PSD3: variants seen among roughly 807,000 people sequenced by gnomAD.
PSD3 encodes the protein PH and SEC7 domain-containing protein 3.
Under a neutral mutation model 105.5 loss-of-function variants are expected in PSD3, and 49 were observed. The observed-to-expected ratio is 0.46, with a 90% confidence interval of 0.37 to 0.59. PSD3 has a LOEUF of 0.59. Among genes scored for constraint, PSD3 ranks in the 20% least tolerant of loss-of-function variants. The pLI is 0.00. For missense variants in PSD3, 1,561 were observed against 1,263.8 expected (o/e 1.24, Z -3.57); for synonymous variants, 557 against 457.8 (o/e 1.22, Z -2.77).
chr8:19,062,384 G>A (rs2129477605), intron 1 of PSD3, among the ~76,000 whole-genome samples: 1 of 152,234 alleles, frequency 6.6e-6, no homozygotes, highest in Admixed American at 6.5e-5. Flanking sequence ...TTGATGGGGT[G>A]ATCATCAAGT....
chr8:18,968,333 C>T, intron 1 of PSD3, among the ~76,000 whole-genome samples: 1 of 152,150 alleles, frequency 6.6e-6, no homozygotes, highest in East Asian at 1.9e-4. Context: ...TTCAAGAAGA[C>T]TTTAAACTTT....
intron 9 of PSD3, among the ~76,000 whole-genome samples, chr8:18,659,726 G>A (rs907771103): frequency 7.9e-5 from 12 of 152,176 alleles, no homozygotes; most frequent in African/African-American, 1.2e-4. Flanking sequence ...TGCTTGAAGC[G>A]CCTTTGTTGG....
chr8:18,845,378 A>G (rs1814999523), intron 4 of PSD3, among the ~76,000 whole-genome samples: 1 of 152,294 alleles, frequency 6.6e-6, no homozygotes, highest in South Asian at 2.1e-4. Context: ...TCCCACTCAC[A>G]TGGTCCTGTC....
At chr8:18,917,751 C>A (rs1164880482) in intron 2 of PSD3, among the ~76,000 whole-genome samples, 2 of 151,950 alleles carry the variant, frequency 1.3e-5, no homozygotes, top group Non-Finnish European at 2.9e-5. Context: ...CTCAAGCAAA[C>A]ACATCAGAAG....
At chr8:18,818,237 G>C (rs1051612967) in intron 4 of PSD3, among the ~76,000 whole-genome samples, 2 of 152,162 alleles carry the variant, frequency 1.3e-5, no homozygotes, top group African/African-American at 2.4e-5. Flanking sequence ...TTACAGACGT[G>C]AGCCACCGTG....
At chr8:18,623,119 A>C (rs961247664) in intron 11 of PSD3, among the ~76,000 whole-genome samples, 13 of 152,106 alleles carry the variant, frequency 8.5e-5, no homozygotes, top group Non-Finnish European at 1.3e-4. Flanking sequence ...TCCTAGATTC[A>C]AACGGTCCTC....
intron 15 of PSD3, among the ~76,000 whole-genome samples, chr8:18,540,383 A>G (rs375469482): frequency 6.6e-5 from 10 of 152,178 alleles, no homozygotes; most frequent in African/African-American, 2.2e-4. Context: ...CTGAACCTGC[A>G]GTATCTCAGG....
intron 9 of PSD3, among the ~76,000 whole-genome samples, chr8:18,695,764 T>C (rs7828096): frequency 0.89 from 135,398 of 152,222 alleles, 60,818 homozygotes; most frequent in Middle Eastern, 0.96. Flanking sequence ...AACCTCACAG[T>C]TCTTTTCCAA....
intron 7 of PSD3, 82 bp downstream of exon 7, chr8:18,801,188 T>A: frequency 1.2e-6 from 1 of 813,620 alleles, no homozygotes; most frequent in Non-Finnish European, 2.0e-6. Context: ...ATACATAATT[T>A]CTCACAATAA....
intron 14 of PSD3, among the ~76,000 whole-genome samples, chr8:18,562,896 A>G (rs918931944): frequency 7.1e-4 from 6 of 8,470 alleles, no homozygotes; most frequent in Non-Finnish European, 6.2e-3. Flanking sequence ...CTAGATAAAG[A>G]AAAAGAAAAA....
In PSD3 at chr8:18,528,545, T is replaced by C. The variant is rs1799516671; in HGVS notation, c.*7198A>G. 6.6e-6 allele frequency: 1 copy of C among 152,268 alleles called. No homozygotes were observed. The highest frequency in any genetic ancestry group is 1.5e-5 in the Non-Finnish European group (1 of 68,080). 9.4% of individuals were successfully genotyped at this position (152,268 alleles called of 1,614,324 possible). On this transcript the variant is annotated 3_prime_UTR_variant, in exon 16 of 16. Transcript: ENST00000327040. ...GGGAAGTGGCATTTGAAACCCAGGC[T>C]GTCCTTGCTGCTCAGTAGAAGCCTG...
At chr8:18,630,092 C>T (rs1806785336) in intron 11 of PSD3, among the ~76,000 whole-genome samples, 1 of 151,674 alleles carries the variant, frequency 6.6e-6, no homozygotes, top group Non-Finnish European at 1.5e-5. Context: ...ACGTCTTAAC[C>T]CATCCATATA....
At chr8:18,707,821 C>T (rs910595319) in intron 9 of PSD3, among the ~76,000 whole-genome samples, 7 of 152,134 alleles carry the variant, frequency 4.6e-5, no homozygotes, top group Non-Finnish European at 7.3e-5. Flanking sequence ...AAGTAAGAGA[C>T]GCAAAAAGGA....
intron 10 of PSD3, among the ~76,000 whole-genome samples, chr8:18,639,448 TTTAA>T (rs1202292444): frequency 6.6e-6 from 1 of 152,136 alleles, no homozygotes; most frequent in Non-Finnish European, 1.5e-5. Flanking sequence ...GTGTTATGGG[TTTAA>T]TTCAGTCCCC....
upstream of PSD3, among the ~76,000 whole-genome samples, chr8:19,013,860 G>C (rs1407515304): frequency 6.9e-6 from 1 of 144,696 alleles, no homozygotes; most frequent in Non-Finnish European, 1.6e-5. Flanking sequence ...CGGAGAGGCG[G>C]GGCCGACGCC....
intron 8 of PSD3, among the ~76,000 whole-genome samples, chr8:18,767,901 T>G (rs1807156375): frequency 6.6e-6 from 1 of 152,052 alleles, no homozygotes; most frequent in Non-Finnish European, 1.5e-5. Context: ...ACCTAGTGAA[T>G]TCATTTGAAA....
chr8:18,588,706 C>T (rs1803373269), intron 12 of PSD3, among the ~76,000 whole-genome samples: 1 of 152,180 alleles, frequency 6.6e-6, no homozygotes, highest in Non-Finnish European at 1.5e-5. Context: ...AGCTCTAATC[C>T]AAGCTGATGC....
chr8:18,645,367 A>G (rs1381045372), intron 10 of PSD3, among the ~76,000 whole-genome samples: 1 of 152,236 alleles, frequency 6.6e-6, no homozygotes, highest in Admixed American at 6.5e-5. Flanking sequence ...AAACTCTAAT[A>G]ATCAATAGCT....
chr8:18,693,105 C>A (rs1279425601), intron 9 of PSD3, among the ~76,000 whole-genome samples: 2 of 152,184 alleles, frequency 1.3e-5, no homozygotes, highest in Non-Finnish European at 2.9e-5. Flanking sequence ...GAGCAGAACA[C>A]CACAAAATTT....
Sources: allele counts gnomAD v4.1 joint callset (sites outside exome capture counted in the v4.1 genomes callset), GRCh38; gene constraint gnomAD v4.1.1; transcripts MANE v1.5; gene names NCBI Gene and HGNC (gene_info 2026-07-23, HGNC 2026-07-21).